The following PPP4R4 variants were observed in gnomAD, a reference collection of about 807,000 sequenced individuals.
The protein encoded by PPP4R4 is serine/threonine-protein phosphatase 4 regulatory subunit 4.
A neutral mutation model predicts 121.8 loss-of-function variants in PPP4R4; 70 were observed. The observed-to-expected ratio is 0.57, with a 90% confidence interval of 0.47 to 0.70. The LOEUF is 0.70. Ranked by LOEUF, PPP4R4 falls within the 30% of genes least tolerant of loss-of-function variation. The probability of loss-of-function intolerance (pLI) is 0.00; values close to 1 mark genes in which losing one functional copy is unlikely to be tolerated. For missense variants in PPP4R4, 875 were observed against 1,033.6 expected, an observed-to-expected ratio of 0.85 and a Z score of 2.10; for synonymous variants, 348 against 355.7, an observed-to-expected ratio of 0.98 and a Z score of 0.24.
intron 2 of PPP4R4, among the ~76,000 whole-genome samples, chr14:94,198,951 A>T (rs965717302): frequency 3.3e-5 from 5 of 152,192 alleles, no homozygotes; most frequent in African/African-American, 1.2e-4. Context: ...TTAAAATCAA[A>T]CCTGCTAGTA....
intron 2 of PPP4R4, among the ~76,000 whole-genome samples, chr14:94,203,799 A>G (rs1243123): frequency 0.76 from 116,186 of 151,966 alleles, 45,257 homozygotes; most frequent in Admixed American, 0.84. Flanking sequence ...AATGAATTAA[A>G]CATCTTTTAG....
chr14:94,273,293 G>C (rs1016675655), intron 23 of PPP4R4, among the ~76,000 whole-genome samples: 2 of 152,136 alleles, frequency 1.3e-5, no homozygotes, highest in Admixed American at 1.3e-4. Context: ...ATATTATGCA[G>C]TGCTAAAATG....
chr14:94,258,718 G>T lies in PPP4R4; in HGVS notation c.2011-65G>T. ...TGAACCTCCATTTGCAAAATAAGTT[G>T]CTGAGAAATGATTGGTTGTTTTAAT... On this transcript the variant is annotated intron_variant, in intron 17 of 24. Coordinates refer to ENST00000304338, the MANE Select transcript of PPP4R4 (RefSeq NM_058237.2). 4 of 1,207,656 alleles carry T rather than the reference G, an allele frequency of 3.3e-6. No individual in the cohort carries two copies. The South Asian group carries it at 5.1e-5, about 16-fold the overall frequency. The allele number at this position is 1,207,656 out of a possible 1,614,324, so 74.8% of individuals were successfully genotyped here. A position where few individuals can be genotyped will look rare whatever the true frequency, so the allele number is the denominator to read the frequency against.
At chr14:94,177,292 C>T (rs560112818) in intron 2 of PPP4R4, among the ~76,000 whole-genome samples, 8 of 152,258 alleles carry the variant, frequency 5.3e-5, no homozygotes, top group African/African-American at 1.4e-4. Flanking sequence ...TCTGTGGTAG[C>T]ATGCTCTCAT....
At chr14:94,231,870 A>G (rs752150048) in intron 5 of PPP4R4, among the ~76,000 whole-genome samples, 2 of 152,086 alleles carry the variant, frequency 1.3e-5, no homozygotes, top group Non-Finnish European at 1.5e-5. Context: ...CTTTTCCTAG[A>G]CTTTTATCAG....
chr14:94,200,034 A>C (rs1025271240), intron 2 of PPP4R4, among the ~76,000 whole-genome samples: 7 of 152,166 alleles, frequency 4.6e-5, no homozygotes, highest in Admixed American at 1.3e-4. Context: ...GTGGTACCCT[A>C]GTCAGGGAAC....
intron 5 of PPP4R4, 57 bp from the exon 6 acceptor site, chr14:94,233,596 T>C (rs1237951601): frequency 7.6e-6 from 8 of 1,056,898 alleles, no homozygotes; most frequent in Non-Finnish European, 1.0e-5. Flanking sequence ...ATAGCTGACA[T>C]GAGTGGCATG....
intron 23 of PPP4R4, among the ~76,000 whole-genome samples, chr14:94,272,642 G>T (rs1310049173): frequency 6.6e-6 from 1 of 152,020 alleles, no homozygotes; most frequent in Non-Finnish European, 1.5e-5. Flanking sequence ...ATGAAATAAA[G>T]AATAAGCTGA....
intron 2 of PPP4R4, among the ~76,000 whole-genome samples, chr14:94,180,211 A>C (rs922934111): frequency 5.3e-5 from 8 of 152,214 alleles, no homozygotes; most frequent in Non-Finnish European, 8.8e-5. Flanking sequence ...TAAAACTTTA[A>C]AAGAGGATAA....
chr14:94,203,345 T>G (rs1890292704), intron 2 of PPP4R4, among the ~76,000 whole-genome samples: 1 of 152,242 alleles, frequency 6.6e-6, no homozygotes, highest in Admixed American at 6.5e-5. Flanking sequence ...TTTCTGGAGA[T>G]TCTTCAGGTG....
intron 17 of PPP4R4, among the ~76,000 whole-genome samples, chr14:94,257,114 C>A (rs1187309951): frequency 6.6e-6 from 1 of 152,006 alleles, no homozygotes; most frequent in African/African-American, 2.4e-5. Context: ...AGACCTCTTA[C>A]CTGCTCCTGA....
At chr14:94,278,577 TC>T (rs1276950950) in intron 24 of PPP4R4, 41 bp from the exon 25 acceptor site, 1 of 1,435,274 alleles carries the variant, frequency 7.0e-7, no homozygotes. Context: ...ACTCCCTCCT[TC>T]CCCACCCTCC....
intron 3 of PPP4R4, among the ~76,000 whole-genome samples, chr14:94,211,463 C>T (rs184052272): frequency 4.4e-4 from 67 of 152,092 alleles, no homozygotes; most frequent in East Asian, 2.1e-3. Context: ...GTGGAGAGAA[C>T]GGTAATTAGC....
chr14:94,267,255 A>G (rs998160147), intron 23 of PPP4R4, among the ~76,000 whole-genome samples: 1 of 152,210 alleles, frequency 6.6e-6, no homozygotes, highest in African/African-American at 2.4e-5. Flanking sequence ...TAAAATAGAA[A>G]AAGAACAAAA....
chr14:94,257,628 C>G (rs570082219), intron 17 of PPP4R4, among the ~76,000 whole-genome samples: 3 of 125,920 alleles, frequency 2.4e-5, no homozygotes, highest in Non-Finnish European at 4.8e-5. Flanking sequence ...TAGAGTTGCA[C>G]ATGCATTTAA....
In PPP4R4 at chr14:94,265,889, T is replaced by A. The variant is rs2139645804; in HGVS notation, c.2378+2T>A. 1 of 1,557,976 alleles carries A rather than the reference T, an allele frequency of 6.4e-7. No homozygotes were observed. Among genetic ancestry groups the A allele is most frequent in the Non-Finnish European group, 8.8e-7 (1 of 1,133,436 alleles). On this transcript the variant is annotated splice_donor_variant, in intron 22 of 24. Coordinates refer to ENST00000304338, the MANE Select transcript of PPP4R4 (RefSeq NM_058237.2). LOFTEE classifies it high-confidence loss of function. ...TGGCAACTTAGAGAAATGTGCTAGGTACGATCTGTAAGCCCTTCAATTTTT... is the reference window on the plus strand; with the variant it reads ...TGGCAACTTAGAGAAATGTGCTAGGAACGATCTGTAAGCCCTTCAATTTTT...
chr14:94,210,782 G>A (rs972417613), intron 3 of PPP4R4, among the ~76,000 whole-genome samples: 1 of 152,126 alleles, frequency 6.6e-6, no homozygotes, highest in Non-Finnish European at 1.5e-5. Context: ...CTTTATGGGG[G>A]TAACTCCAGT....
chr14:94,220,873 A>G lies in PPP4R4; in HGVS notation c.295-9714A>G, dbSNP rs189623775. ...AAATTCAAGTAGGTTAGGTTTTTGT[A>G]GGAAATGACAAACTAATTCTAAGAT... On this transcript the variant is annotated intron_variant, in intron 3 of 24. Coordinates refer to ENST00000304338, the MANE Select transcript of PPP4R4 (RefSeq NM_058237.2). Among the ~76,000 whole-genome samples, 34 of 152,334 alleles carry G rather than the reference A, an allele frequency of 2.2e-4. 1 individual carries two copies. Among genetic ancestry groups the G allele is most frequent in the African/African-American group, 7.7e-4 (32 of 41,590 alleles).
intron 7 of PPP4R4, among the ~76,000 whole-genome samples, chr14:94,235,885 G>A (rs1475538345): frequency 6.6e-6 from 1 of 152,112 alleles, no homozygotes. Context: ...AAAATCATTG[G>A]AACCTCTCAT....
Sources: gnomAD v4.1 joint callset for allele counts (sites outside exome capture counted in the v4.1 genomes callset) on GRCh38, gnomAD v4.1.1 for gene constraint, MANE v1.5 for transcripts, NCBI Gene and HGNC (gene_info 2026-07-23, HGNC 2026-07-21) for gene names.